Variants in PRLR observed in about 807,000 individuals in gnomAD.
PRLR encodes the protein hPRL receptor.
In PRLR, 13 loss-of-function variants were observed where a neutral mutation model predicts 40.2. The observed-to-expected ratio is 0.32, with a 90% CI of 0.21 to 0.51. The LOEUF (loss-of-function observed/expected upper bound fraction) is 0.51. Among genes scored for constraint, PRLR ranks in the 20% least tolerant of loss-of-function variants. PRLR has a pLI of 0.97. For missense variants in PRLR, 656 were observed against 747.3 expected, an observed-to-expected ratio of 0.88 and a Z score of 1.42; for synonymous variants, 269 against 278.7, an observed-to-expected ratio of 0.97 and a Z score of 0.35.
At chr5:35,139,198 G>A (rs1328764620) in intron 1 of PRLR, among the ~76,000 whole-genome samples, 6 of 152,186 alleles carry the variant, frequency 3.9e-5, no homozygotes, top group East Asian at 3.9e-4. Flanking sequence ...GCGGTGGTGC[G>A]ATGTCGGCTC....
intron 1 of PRLR, among the ~76,000 whole-genome samples, chr5:35,150,660 T>C (rs890455007): frequency 6.6e-6 from 1 of 152,146 alleles, no homozygotes; most frequent in African/African-American, 2.4e-5. Flanking sequence ...AGATATATGA[T>C]AAATATTGGA....
At chr5:35,051,227 G>A (rs956569497), downstream of PRLR, among the ~76,000 whole-genome samples, 3 of 152,160 alleles carry the variant, frequency 2.0e-5, no homozygotes, top group African/African-American at 7.2e-5. Flanking sequence ...GAGCACATCC[G>A]TACTGCTAAC....
At chr5:35,207,882 G>A (rs1776063164) in intron 1 of PRLR, among the ~76,000 whole-genome samples, 1 of 152,034 alleles carries the variant, frequency 6.6e-6, no homozygotes, top group Non-Finnish European at 1.5e-5. Flanking sequence ...AGTGATGAGA[G>A]GATGCATGCA....
At chr5:35,182,381 T>A (rs1775317039) in intron 1 of PRLR, among the ~76,000 whole-genome samples, 1 of 152,170 alleles carries the variant, frequency 6.6e-6, no homozygotes, top group Admixed American at 6.5e-5. Context: ...GATTTGACTG[T>A]TAGTGTTATA....
downstream of PRLR, among the ~76,000 whole-genome samples, chr5:35,053,434 C>T (rs1348440145): frequency 6.6e-6 from 1 of 152,120 alleles, no homozygotes; most frequent in African/African-American, 2.4e-5. Flanking sequence ...CGGCGGATCA[C>T]CTGAGGTCAG....
exon 9 of PRLR, chr5:35,048,905 G>A (rs1768376369): frequency 8.8e-6 from 3 of 341,308 alleles, no homozygotes; most frequent in South Asian, 6.9e-5. Flanking sequence ...GGGGTCGAGG[G>A]ACTGGGGATG....
chr5:35,160,208 G>A (rs954774006), intron 1 of PRLR, among the ~76,000 whole-genome samples: 1 of 152,216 alleles, frequency 6.6e-6, no homozygotes, highest in African/African-American at 2.4e-5. Context: ...GAAATATTCT[G>A]TGACATGTCA....
chr5:35,191,048 C>CTTTTTTTTTTTT (rs869174221), intron 1 of PRLR, among the ~76,000 whole-genome samples: 2 of 68,166 alleles, frequency 2.9e-5, no homozygotes, highest in African/African-American at 5.7e-5. Context: ...GTGTTATTTT[C>CTTTTTTTTTTTT]TTTTTTTTTT....
At chr5:35,175,383 C>G (rs2111959621) in intron 1 of PRLR, among the ~76,000 whole-genome samples, 1 of 152,306 alleles carries the variant, frequency 6.6e-6, no homozygotes, top group East Asian at 1.9e-4. Flanking sequence ...GCTTCCCCAG[C>G]CATATGGAAC....
At chr5:35,108,830 A>G (rs1290398058) in intron 2 of PRLR, among the ~76,000 whole-genome samples, 2 of 152,200 alleles carry the variant, frequency 1.3e-5, no homozygotes, top group Non-Finnish European at 2.9e-5. Flanking sequence ...CCATCAAGCT[A>G]CCAATGACTT....
chr5:35,098,516 A>G (rs982117286), intron 2 of PRLR, among the ~76,000 whole-genome samples: 1 of 152,250 alleles, frequency 6.6e-6, no homozygotes, highest in African/African-American at 2.4e-5. Context: ...GGAGGAGGAC[A>G]TAAGTTTTGC....
In PRLR at chr5:35,066,128, G is replaced by T. The variant is rs540842506; in HGVS notation, c.856-26C>A. ...CTATTAAAACACAGACACAAGAAGA[G>T]ATGGCTGTTAGCTTCATAACATTCC... On this transcript the variant is annotated intron_variant, in intron 9 of 9. Coordinates refer to ENST00000618457, the MANE Select transcript of PRLR (RefSeq NM_000949.7). 7 of 1,595,830 alleles carry T rather than the reference G, an allele frequency of 4.4e-6. No individual in the cohort carries two copies. In the African/African-American group the frequency reaches 9.4e-5, roughly 21 times the overall value.
At chr5:35,049,240 G>A (rs1418411357) in exon 9 of PRLR, 1 of 702,678 alleles carries the variant, frequency 1.4e-6, no homozygotes, top group Admixed American at 2.0e-5. Context: ...GTTGGACAGA[G>A]GGGAGAAAAT....
At position 35,065,865 on chromosome 5, in the gene PRLR, C is replaced by T; in HGVS notation, c.1093G>A (p.Glu365Lys). 1 of 1,614,112 alleles carries T rather than the reference C, an allele frequency of 6.2e-7. No homozygotes were observed. The highest frequency in any genetic ancestry group is 8.5e-7 in the Non-Finnish European group (1 of 1,180,018). ...DSPSLLSEKC[E>K]EPQANPSTFY... ...GTGGAGGGATTGGCCTGGGGTTCCTCACACTTTTCAGACAAAAGGGAAGGG... is the reference window on the plus strand; with the variant it reads ...GTGGAGGGATTGGCCTGGGGTTCCTTACACTTTTCAGACAAAAGGGAAGGG... The change falls in exon 10 of 10, where the codon GAG becomes AAG. Residue 365 changes from glutamate to lysine, a missense_variant. This residue lies in a region of PRLR where 469 missense variants were observed against 491.5 expected (regional missense o/e 0.95). Transcript: ENST00000618457.
intron 5 of PRLR, among the ~76,000 whole-genome samples, chr5:35,082,637 A>G (rs1317674958): frequency 2.0e-5 from 3 of 152,222 alleles, no homozygotes; most frequent in Non-Finnish European, 4.4e-5. Context: ...AGTGTTTTCA[A>G]TGTAACTAAA....
rs895619800 is a variant in PRLR, at chr5:35,060,756, C to G, written c.*4333G>C. ...GAGACTTTCGTCAATGGCACATCTA[C>G]GTTAGCAATGCTTGGGATGGTAATT... On this transcript the variant is annotated 3_prime_UTR_variant, in exon 10 of 10. Transcript: ENST00000618457. 1 of 152,298 alleles carries G rather than the reference C, an allele frequency of 6.6e-6. No individual in the cohort carries two copies. Among genetic ancestry groups the G allele is most frequent in the East Asian group, 1.9e-4 (1 of 5,182 alleles). The allele number at this position is 152,298 out of a possible 1,614,324, so 9.4% of individuals were successfully genotyped here.
chr5:35,065,291 T>C lies in PRLR; in HGVS notation c.1667A>G (p.Asn556Ser), dbSNP rs766724246. ...TGGATCTGGCACCAACACCAGGATG[T>C]TGTTATCCATGACCCCGGACACCTT... ...YAKVSGVMDN[N>S]ILVLVPDPHA... The change falls in exon 10 of 10, where the codon AAC becomes AGC. Residue 556 changes from asparagine (N) to serine (S), a missense_variant. Physicochemically the swap from Asn to Ser is conservative, Grantham distance 46. Around this residue, in one of 3 missense-constraint regions of PRLR, gnomAD observed 469 missense variants for 491.5 expected, o/e 0.95. Coordinates refer to ENST00000618457, the MANE Select transcript of PRLR (RefSeq NM_000949.7). The C allele has an allele frequency of 4.3e-6, 7 of 1,614,190 alleles. No homozygotes were observed. The highest frequency in any genetic ancestry group is 5.1e-6 in the Non-Finnish European group (6 of 1,180,018).
intron 1 of PRLR, among the ~76,000 whole-genome samples, chr5:35,183,453 T>C (rs149133133): frequency 1.5e-3 from 231 of 152,320 alleles, no homozygotes; most frequent in African/African-American, 5.1e-3. Flanking sequence ...CAGAACTGGG[T>C]ACAGGGCTCT....
chr5:35,150,548 A>G (rs1774311920), intron 1 of PRLR, among the ~76,000 whole-genome samples: 1 of 152,210 alleles, frequency 6.6e-6, no homozygotes, highest in African/African-American at 2.4e-5. Context: ...AATTTATAAG[A>G]CAGTTAATTG....
Sources: allele counts gnomAD v4.1 joint callset (sites outside exome capture counted in the v4.1 genomes callset), GRCh38; gene constraint gnomAD v4.1.1; regional missense constraint gnomAD v4.1.1; transcripts MANE v1.5; gene names NCBI Gene and HGNC (gene_info 2026-07-23, HGNC 2026-07-21).